TMEM132D: variants seen among roughly 807,000 people sequenced by gnomAD.
TMEM132D encodes mature OL transmembrane protein.
In TMEM132D, 21 loss-of-function variants were observed where a neutral mutation model predicts 62.3. The ratio of observed to expected loss-of-function variants is 0.34; its 90% confidence interval spans 0.24 to 0.49. The LOEUF (loss-of-function observed/expected upper bound fraction) is 0.49, where lower values mean the gene tolerates loss of function less well. TMEM132D is among the 20% of genes least tolerant of loss of function. TMEM132D has a pLI of 0.99. For synonymous variants in TMEM132D, 621 were observed against 575.6 expected (o/e 1.08, Z -1.13); for missense variants, 1,346 against 1,402.8 (o/e 0.96, Z 0.65).
intron 3 of TMEM132D, among the ~76,000 whole-genome samples, chr12:129,381,702 TTC>T (rs1870958362): frequency 1.4e-5 from 1 of 72,430 alleles, no homozygotes; most frequent in Non-Finnish European, 3.7e-5. Flanking sequence ...TTCCTTTCCT[TTC>T]TCTTTCTTTT....
At position 129,074,735 on chromosome 12, in the gene TMEM132D, C is replaced by T. The variant is rs1874195758; in HGVS notation, c.2440G>A (p.Ala814Thr). The part of the protein sequence containing the change: ...PNTSDSRHTG[A>T]GVHMENNVSD... ...ACATTGTTTTCCATGTGAACCCCTGCCCCTGTGTGTCTGCTGTCACTGGTG... is the reference window on the plus strand; with the variant it reads ...ACATTGTTTTCCATGTGAACCCCTGTCCCTGTGTGTCTGCTGTCACTGGTG... Residue 814 changes from alanine (A) to threonine (T), a missense_variant, in exon 9 of 9, where the codon GCA becomes ACA. Ala to Thr is a moderately conservative substitution (Grantham distance 58). Coordinates refer to ENST00000422113, the MANE Select transcript of TMEM132D (RefSeq NM_133448.3). 5 of 1,614,030 alleles carry T rather than the reference C, an allele frequency of 3.1e-6. No homozygotes were observed. Among genetic ancestry groups the T allele is most frequent in the South Asian group, 2.2e-5 (2 of 91,080 alleles).
At chr12:129,498,553 T>A (rs1475647538) in intron 3 of TMEM132D, among the ~76,000 whole-genome samples, 1 of 152,156 alleles carries the variant, frequency 6.6e-6, no homozygotes, top group Admixed American at 6.5e-5. Context: ...TCCAAAATCT[T>A]TATGAATAGA....
intron 5 of TMEM132D, among the ~76,000 whole-genome samples, chr12:129,106,894 C>T (rs1285181614): frequency 1.3e-5 from 2 of 152,178 alleles, no homozygotes; most frequent in Non-Finnish European, 2.9e-5. Flanking sequence ...TGGGGAATGC[C>T]TGCCTTGGAC....
intron 2 of TMEM132D, among the ~76,000 whole-genome samples, chr12:129,673,442 A>C (rs891147391): frequency 1.3e-5 from 2 of 152,176 alleles, no homozygotes; most frequent in Admixed American, 6.5e-5. Flanking sequence ...AATCATAAAA[A>C]CTTTTTACAT....
At chr12:129,453,239 T>C (rs540068758) in intron 3 of TMEM132D, among the ~76,000 whole-genome samples, 1 of 152,176 alleles carries the variant, frequency 6.6e-6, no homozygotes, top group African/African-American at 2.4e-5. Flanking sequence ...GCCAAAAAGA[T>C]TGGGGACCGC....
intron 2 of TMEM132D, among the ~76,000 whole-genome samples, chr12:129,540,537 G>A (rs1436803457): frequency 6.6e-6 from 1 of 151,596 alleles, no homozygotes; most frequent in African/African-American, 2.4e-5. Flanking sequence ...CCAGGCTGGA[G>A]TGCACTGGTG....
chr12:129,889,637 C>G (rs1874857915), intron 1 of TMEM132D, among the ~76,000 whole-genome samples: 1 of 152,224 alleles, frequency 6.6e-6, no homozygotes, highest in Admixed American at 6.5e-5. Flanking sequence ...TCCACAGTTT[C>G]TTGGACATTA....
At chr12:129,425,036 T>C (rs1333985633) in intron 3 of TMEM132D, among the ~76,000 whole-genome samples, 3 of 152,206 alleles carry the variant, frequency 2.0e-5, no homozygotes, top group Non-Finnish European at 4.4e-5. Flanking sequence ...CTCTGGTGTC[T>C]GCTTCTTTCC....
At chr12:129,373,030 CTTG>C (rs974990218) in intron 3 of TMEM132D, among the ~76,000 whole-genome samples, 5 of 152,190 alleles carry the variant, frequency 3.3e-5, no homozygotes, top group Non-Finnish European at 5.9e-5. Context: ...CAGGAACCCA[CTTG>C]TTGTTAGAGA....
chr12:129,405,195 G>C lies in TMEM132D; in HGVS notation c.1116-67378C>G, dbSNP rs747897498. Among the ~76,000 whole-genome samples the C allele has an allele frequency of 2.8e-4, 42 of 152,140 alleles. 1 individual carries two copies. Among genetic ancestry groups the C allele is most frequent in the Non-Finnish European group, 5.6e-4 (38 of 68,002 alleles). On this transcript the variant is annotated intron_variant, in intron 3 of 8. Transcript: ENST00000422113. ...GCTAGAAGCCTGAGATCAAGGTTCT[G>C]CTGATTTGGCTCCTGGTGAGGGCTC...
At chr12:129,600,434 T>C (rs913481373) in intron 2 of TMEM132D, among the ~76,000 whole-genome samples, 2 of 152,204 alleles carry the variant, frequency 1.3e-5, no homozygotes, top group African/African-American at 4.8e-5. Context: ...CTCCTGTTCA[T>C]GTTGACATTT....
intron 1 of TMEM132D, among the ~76,000 whole-genome samples, chr12:129,785,357 TTTGTATAGCTTTAGGAC>T (rs1399455843): frequency 2.0e-5 from 3 of 152,222 alleles, no homozygotes; most frequent in Non-Finnish European, 4.4e-5. Flanking sequence ...GATGTTTGCA[TTTGTATAGCTTTAGGAC>T]TTGAGCTTTC....
chr12:129,803,580 G>C (rs1172656279), intron 1 of TMEM132D, among the ~76,000 whole-genome samples: 1 of 149,590 alleles, frequency 6.7e-6, no homozygotes, highest in African/African-American at 2.5e-5. Flanking sequence ...GCCCACAAGA[G>C]AAAGCAGGAA....
chr12:129,220,399 C>T (rs1879317029), intron 4 of TMEM132D, among the ~76,000 whole-genome samples: 1 of 152,226 alleles, frequency 6.6e-6, no homozygotes, highest in Admixed American at 6.5e-5. Flanking sequence ...GACTGGATCG[C>T]AAGCCCATAT....
chr12:129,251,083 C>T (rs542869087), intron 4 of TMEM132D, among the ~76,000 whole-genome samples: 7 of 152,046 alleles, frequency 4.6e-5, no homozygotes, highest in African/African-American at 7.2e-5. Context: ...GAAAGCTGGG[C>T]GCCGTGGCTC....
intron 3 of TMEM132D, among the ~76,000 whole-genome samples, chr12:129,525,226 GTTTTTTTTTTTTT>G (rs765569025): frequency 0.043 from 2,894 of 67,416 alleles, 230 homozygotes; most frequent in African/African-American, 0.14. Flanking sequence ...TGCCCAGCCG[GTTTTTTTTTTTTT>G]TTTTTTTTTT....
At chr12:129,399,350 C>G (rs542432815) in intron 3 of TMEM132D, among the ~76,000 whole-genome samples, 62 of 20,012 alleles carry the variant, frequency 3.1e-3, no homozygotes, top group African/African-American at 0.014. Context: ...CCCACGACAA[C>G]CAACCCACTC....
chr12:129,318,661 C>T (rs914909556), intron 4 of TMEM132D, among the ~76,000 whole-genome samples: 4 of 152,032 alleles, frequency 2.6e-5, no homozygotes, highest in Non-Finnish European at 2.9e-5. Context: ...CAGCAGTGGG[C>T]GGGACCCTAG....
intron 3 of TMEM132D, among the ~76,000 whole-genome samples, chr12:129,366,426 GC>G (rs1173692501): frequency 1.3e-5 from 2 of 151,908 alleles, no homozygotes; most frequent in African/African-American, 4.8e-5. Context: ...TCCTGCTCTG[GC>G]CATGTGACAC....
Sources: allele counts gnomAD v4.1 joint callset (sites outside exome capture counted in the v4.1 genomes callset), GRCh38; gene constraint gnomAD v4.1.1; transcripts MANE v1.5; gene names NCBI Gene and HGNC (gene_info 2026-07-23, HGNC 2026-07-21).